SLX4IP: variants seen among roughly 807,000 people sequenced by gnomAD.
The protein encoded by SLX4IP is protein SLX4IP.
SLX4IP carries 34 observed loss-of-function variants against 32.9 expected under a neutral mutation model. The observed-to-expected ratio is 1.03, with a 90% CI of 0.79 to 1.38. SLX4IP has a LOEUF of 1.38. SLX4IP is among the 40% of genes most tolerant of loss of function. SLX4IP has a pLI of 0.00. For synonymous variants in SLX4IP, 172 were observed against 171.7 expected (o/e 1.00, Z -0.01); for missense variants, 444 against 479.0 (o/e 0.93, Z 0.68).
At chr20:10,606,202 G>C (rs758603920) in intron 6 of SLX4IP, among the ~76,000 whole-genome samples, 1 of 152,128 alleles carries the variant, frequency 6.6e-6, no homozygotes, top group Non-Finnish European at 1.5e-5. Context: ...AAACTTCCAG[G>C]GTAGTTATAT....
intron 4 of SLX4IP, among the ~76,000 whole-genome samples, chr20:10,583,062 A>G (rs1358232041): frequency 6.6e-6 from 1 of 152,206 alleles, no homozygotes. Flanking sequence ...AAATAGGATC[A>G]TATAATGAAC....
At chr20:10,602,282 C>G (rs1267538121) in intron 6 of SLX4IP, among the ~76,000 whole-genome samples, 1 of 150,386 alleles carries the variant, frequency 6.6e-6, no homozygotes, top group African/African-American at 2.5e-5. Context: ...GGTTCATTTT[C>G]TCCCTCTCTC....
At chr20:10,473,950 G>A (rs1233506444) in intron 2 of SLX4IP, among the ~76,000 whole-genome samples, 1 of 152,078 alleles carries the variant, frequency 6.6e-6, no homozygotes, top group African/African-American at 2.4e-5. Flanking sequence ...AGCCTTCCAA[G>A]TAGCTGGGAT....
intron 1 of SLX4IP, among the ~76,000 whole-genome samples, chr20:10,442,164 T>C (rs181878691): frequency 2.0e-5 from 3 of 152,362 alleles, no homozygotes; most frequent in Admixed American, 1.3e-4. Context: ...TGAGAGCATT[T>C]GCTTGTGACA....
intron 4 of SLX4IP, among the ~76,000 whole-genome samples, chr20:10,588,802 G>T (rs958406328): frequency 6.6e-6 from 1 of 152,158 alleles, no homozygotes; most frequent in Non-Finnish European, 1.5e-5. Context: ...AGGAAGGGGA[G>T]ATTTGGTCAA....
chr20:10,439,302 G>C (rs1462846812), intron 1 of SLX4IP, among the ~76,000 whole-genome samples: 1 of 151,952 alleles, frequency 6.6e-6, no homozygotes, highest in Non-Finnish European at 1.5e-5. Context: ...TCCACCTCCT[G>C]GGTTCAGGTG....
intron 4 of SLX4IP, among the ~76,000 whole-genome samples, chr20:10,561,262 T>TA (rs2066329305): frequency 6.6e-6 from 1 of 152,094 alleles, no homozygotes; most frequent in Non-Finnish European, 1.5e-5. Context: ...TATGTTTTTT[T>TA]AAAAAATATA....
Position 10,556,291 on chromosome 20 carries a change from A to C in SLX4IP, c.88A>C (p.Thr30Pro). 1 of 1,613,580 alleles carries C rather than the reference A, an allele frequency of 6.2e-7. No individual in the cohort carries two copies. The highest frequency in any genetic ancestry group is 8.5e-7 in the Non-Finnish European group (1 of 1,179,860). Residue 30 changes from threonine (T) to proline (P), a missense_variant, in exon 3 of 8, where the codon ACA (threonine) becomes CCA (proline). Thr to Pro is a conservative substitution (Grantham distance 38, BLOSUM62 -1). Transcript: ENST00000334534. ...HILPQGSNKD[T>P]SWFSEQKKEE... Reference sequence around the variant, plus strand: ...CTTGCCACAAGGTTCAAACAAAGATACAAGCTGGTTTTCTGAACAGAAGAA... The same window carrying C: ...CTTGCCACAAGGTTCAAACAAAGATCCAAGCTGGTTTTCTGAACAGAAGAA...
At chr20:10,506,934 A>G (rs1437968923) in intron 2 of SLX4IP, among the ~76,000 whole-genome samples, 2 of 152,224 alleles carry the variant, frequency 1.3e-5, no homozygotes, top group Non-Finnish European at 1.5e-5. Context: ...AAGGTGTACA[A>G]TGTGATGATT....
chr20:10,507,915 T>TATATATAC (rs1342814593), intron 2 of SLX4IP, among the ~76,000 whole-genome samples: 1 of 149,962 alleles, frequency 6.7e-6, no homozygotes, highest in Non-Finnish European at 1.5e-5. Context: ...TATATATATA[T>TATATATAC]ATATACATAT....
rs2067143119 is a variant in SLX4IP, at chr20:10,623,708, C to A, written c.*329C>A. The A allele has an allele frequency of 3.0e-6, 1 of 328,492 alleles. No individual in the cohort carries two copies. Among genetic ancestry groups the A allele is most frequent in the Non-Finnish European group, 5.6e-6 (1 of 177,678 alleles). 20.3% of individuals were successfully genotyped at this position (328,492 alleles called of 1,614,324 possible). A position where few individuals can be genotyped will look rare whatever the true frequency, so the allele number is the denominator to read the frequency against. On this transcript the variant is annotated 3_prime_UTR_variant, in exon 8 of 8. Coordinates refer to ENST00000334534, the MANE Select transcript of SLX4IP (RefSeq NM_001009608.3). Reference sequence around the variant, plus strand: ...AAACTGATCATGAGCCCCTTCTTGGCACATCACTGTGCAGACCACACAATG... The same window carrying A: ...AAACTGATCATGAGCCCCTTCTTGGAACATCACTGTGCAGACCACACAATG...
chr20:10,483,293 A>G (rs1357044533), intron 2 of SLX4IP, among the ~76,000 whole-genome samples: 1 of 152,060 alleles, frequency 6.6e-6, no homozygotes, highest in East Asian at 1.9e-4. Flanking sequence ...CTAGTTCTTT[A>G]GTATTTTTAG....
intron 4 of SLX4IP, among the ~76,000 whole-genome samples, chr20:10,571,025 G>A (rs1234789940): frequency 1.3e-5 from 2 of 152,020 alleles, no homozygotes; most frequent in Middle Eastern, 3.4e-3. Flanking sequence ...CAGAGATGGA[G>A]TCTCACGATG....
chr20:10,471,968 G>A (rs538475584), intron 2 of SLX4IP, among the ~76,000 whole-genome samples: 2 of 152,216 alleles, frequency 1.3e-5, no homozygotes, highest in East Asian at 1.9e-4. Flanking sequence ...CTTCCTAAGG[G>A]CTACCTCTGG....
At chr20:10,622,003 G>T (rs751554168) in intron 7 of SLX4IP, among the ~76,000 whole-genome samples, 2 of 152,174 alleles carry the variant, frequency 1.3e-5, no homozygotes, top group African/African-American at 2.4e-5. Flanking sequence ...TACATTGTCT[G>T]TTGTGCACGC....
chr20:10,498,857 T>C (rs1442404894), intron 2 of SLX4IP, among the ~76,000 whole-genome samples: 2 of 152,070 alleles, frequency 1.3e-5, no homozygotes, highest in Non-Finnish European at 2.9e-5. Context: ...CAAATTTACT[T>C]TGTTATCATA....
At chr20:10,570,674 G>A (rs761952284) in intron 4 of SLX4IP, among the ~76,000 whole-genome samples, 4 of 151,934 alleles carry the variant, frequency 2.6e-5, no homozygotes, top group African/African-American at 7.3e-5. Context: ...GATTACAGGC[G>A]CCTGCCACCA....
At chr20:10,621,462 A>G (rs2067111854) in intron 7 of SLX4IP, 48 bp downstream of exon 7, 2 of 1,520,034 alleles carry the variant, frequency 1.3e-6, no homozygotes, top group Non-Finnish European at 1.8e-6. Flanking sequence ...GTCTCTATGT[A>G]TGGATAGATA....
intron 1 of SLX4IP, among the ~76,000 whole-genome samples, chr20:10,452,228 A>T (rs2065247196): frequency 6.6e-6 from 1 of 151,808 alleles, no homozygotes; most frequent in Non-Finnish European, 1.5e-5. Flanking sequence ...GGCAGAGTTT[A>T]GTACTTAAGA....
Sources: gnomAD v4.1 joint callset for allele counts (sites outside exome capture counted in the v4.1 genomes callset) on GRCh38, gnomAD v4.1.1 for gene constraint, MANE v1.5 for transcripts, NCBI Gene and HGNC (gene_info 2026-07-23, HGNC 2026-07-21) for gene names.